MPPED2: variants seen among roughly 807,000 people sequenced by gnomAD.
MPPED2 encodes the protein metallophosphoesterase domain containing 2.
MPPED2 carries 5 observed loss-of-function variants against 33.0 expected under a neutral mutation model. The ratio of observed to expected loss-of-function variants is 0.15; its 90% CI spans 0.08 to 0.32. The LOEUF (loss-of-function observed/expected upper bound fraction) is 0.32. Among genes scored for constraint, MPPED2 ranks in the 10% least tolerant of loss-of-function variants. MPPED2 has a pLI of 1.00. For synonymous variants in MPPED2, 136 were observed against 141.9 expected (o/e 0.96, Z 0.29); for missense variants, 275 against 372.1 (o/e 0.74, Z 2.15).
intron 3 of MPPED2, among the ~76,000 whole-genome samples, chr11:30,506,417 G>A (rs1199412744): frequency 3.3e-5 from 5 of 152,152 alleles, no homozygotes; most frequent in African/African-American, 1.2e-4. Flanking sequence ...CATCTCCTAT[G>A]TTCTACCTCT....
chr11:30,421,531 G>A lies in MPPED2; in HGVS notation c.537-3898C>T, dbSNP rs77246683. The stretch of plus-strand genomic sequence containing the variant: ...ATGTGCTTTTACCTAGAGCTTTTAC[G>A]TAAGTTATTGGATTTAGTTCTTCAC... On this transcript the variant is annotated intron_variant, in intron 4 of 6. Coordinates refer to ENST00000358117, the MANE Select transcript of MPPED2 (RefSeq NM_001584.3). 0.019 allele frequency among the ~76,000 whole-genome samples: 2,796 copies of A among 150,860 alleles called. 141 individuals carry two copies. In the East Asian group the frequency reaches 0.21, roughly 11 times the overall value.
chr11:30,473,417 T>C (rs1951036817), intron 4 of MPPED2, among the ~76,000 whole-genome samples: 1 of 152,188 alleles, frequency 6.6e-6, no homozygotes, highest in East Asian at 1.9e-4. Flanking sequence ...CCGCCTCATG[T>C]ATCCAGTCCA....
At chr11:30,570,385 A>G (rs1956638784) in intron 2 of MPPED2, among the ~76,000 whole-genome samples, 1 of 152,134 alleles carries the variant, frequency 6.6e-6, no homozygotes, top group Non-Finnish European at 1.5e-5. Flanking sequence ...CAACATATGC[A>G]TTCTGGAGGG....
rs1365934233 is a variant in MPPED2, at chr11:30,527,502, A to G, written c.310+8492T>C. On this transcript the variant is annotated intron_variant, in intron 3 of 6. Coordinates refer to ENST00000358117, the MANE Select transcript of MPPED2 (RefSeq NM_001584.3). ...GGTGGTGACGCTGGAGGGGAGAGAG[A>G]GTGGGTCAGAATAAAGAGGGGAACA... Among the ~76,000 whole-genome samples, 3 of 151,300 alleles carry G rather than the reference A, an allele frequency of 2.0e-5. No homozygotes were observed. The East Asian group carries it at 5.9e-4, about 30-fold the overall frequency.
intron 4 of MPPED2, among the ~76,000 whole-genome samples, chr11:30,464,399 G>A (rs145937279): frequency 1.3e-5 from 2 of 152,198 alleles, no homozygotes; most frequent in Non-Finnish European, 2.9e-5. Flanking sequence ...TCCCAAGAAA[G>A]AGAAATTGAT....
chr11:30,441,689 A>G (rs1336990969), intron 4 of MPPED2, among the ~76,000 whole-genome samples: 1 of 152,206 alleles, frequency 6.6e-6, no homozygotes, highest in Non-Finnish European at 1.5e-5. Flanking sequence ...AAACATTTCT[A>G]AAGCTTCGGC....
intron 4 of MPPED2, among the ~76,000 whole-genome samples, chr11:30,489,268 GA>G (rs1268052058): frequency 6.6e-6 from 1 of 152,042 alleles, no homozygotes; most frequent in African/African-American, 2.4e-5. Flanking sequence ...CTTATAATTG[GA>G]AATAAAAACA....
At chr11:30,458,956 C>T (rs1424029111) in intron 4 of MPPED2, among the ~76,000 whole-genome samples, 2 of 108,114 alleles carry the variant, frequency 1.8e-5, no homozygotes, top group African/African-American at 3.5e-5. Flanking sequence ...GACGGAGTCT[C>T]GCTCTGTCGC....
intron 3 of MPPED2, among the ~76,000 whole-genome samples, chr11:30,497,653 C>T (rs1290299715): frequency 6.6e-6 from 1 of 151,550 alleles, no homozygotes; most frequent in African/African-American, 2.4e-5. Flanking sequence ...GTGAGACTAG[C>T]CACTATGGCA....
chr11:30,575,813 T>C (rs571538326), intron 2 of MPPED2, among the ~76,000 whole-genome samples: 3 of 152,158 alleles, frequency 2.0e-5, no homozygotes, highest in African/African-American at 7.2e-5. Flanking sequence ...TGGAGGTGGA[T>C]GAGACACTCC....
intron 4 of MPPED2, among the ~76,000 whole-genome samples, chr11:30,483,745 CCT>C (rs554496787): frequency 3.3e-4 from 51 of 152,242 alleles, no homozygotes; most frequent in Non-Finnish European, 5.6e-4. Context: ...CTTTGACAAT[CCT>C]CTTTCTAGAA....
intron 4 of MPPED2, among the ~76,000 whole-genome samples, chr11:30,482,555 A>T (rs1376229281): frequency 6.6e-6 from 1 of 152,162 alleles, no homozygotes; most frequent in Non-Finnish European, 1.5e-5. Flanking sequence ...TTCTATATTT[A>T]ACTATTTCCC....
chr11:30,416,776 G>A (rs1948381097), intron 5 of MPPED2, among the ~76,000 whole-genome samples: 1 of 152,204 alleles, frequency 6.6e-6, no homozygotes, highest in Non-Finnish European at 1.5e-5. Context: ...AATGGGTACT[G>A]AGTAGATGTG....
intron 3 of MPPED2, among the ~76,000 whole-genome samples, chr11:30,521,715 T>C (rs965142210): frequency 3.9e-5 from 6 of 152,190 alleles, no homozygotes; most frequent in Non-Finnish European, 7.3e-5. Flanking sequence ...ATGTAAAAAC[T>C]AGAAATGAAA....
chr11:30,563,514 C>A (rs922195593), intron 2 of MPPED2, among the ~76,000 whole-genome samples: 3 of 152,128 alleles, frequency 2.0e-5, no homozygotes, highest in African/African-American at 7.2e-5. Flanking sequence ...GAGCTCCCAA[C>A]AAACCATTCT....
chr11:30,582,349 C>T (rs1282967612), intron 1 of MPPED2, among the ~76,000 whole-genome samples: 2 of 152,204 alleles, frequency 1.3e-5, no homozygotes, highest in Non-Finnish European at 2.9e-5. Context: ...TTCACATTTT[C>T]AGACTGTGAG....
At chr11:30,552,219 T>G (rs1294062773) in intron 2 of MPPED2, among the ~76,000 whole-genome samples, 1 of 152,232 alleles carries the variant, frequency 6.6e-6, no homozygotes. Context: ...CACAATGTCC[T>G]GCGTTAATCT....
chr11:30,441,111 G>T (rs1323941020), intron 4 of MPPED2, among the ~76,000 whole-genome samples: 1 of 152,010 alleles, frequency 6.6e-6, no homozygotes, highest in Non-Finnish European at 1.5e-5. Flanking sequence ...ACACTCTTTT[G>T]GAAATACTGC....
At chr11:30,536,902 T>G (rs1030960158) in intron 2 of MPPED2, among the ~76,000 whole-genome samples, 1 of 152,198 alleles carries the variant, frequency 6.6e-6, no homozygotes, top group Non-Finnish European at 1.5e-5. Flanking sequence ...TCAAATGCCT[T>G]GGGCAAAGAT....
Sources: gnomAD v4.1 joint callset for allele counts (sites outside exome capture counted in the v4.1 genomes callset) on GRCh38, gnomAD v4.1.1 for gene constraint, MANE v1.5 for transcripts, NCBI Gene and HGNC (gene_info 2026-07-23, HGNC 2026-07-21) for gene names.